The following PLA2G4A variants were observed in gnomAD, a reference collection of about 807,000 sequenced individuals.
PLA2G4A encodes the protein cytosolic phospholipase A2.
In PLA2G4A, 40 loss-of-function variants were observed where a neutral mutation model predicts 81.9. The ratio of observed to expected loss-of-function variants is 0.49; its 90% CI spans 0.38 to 0.64. The LOEUF is 0.64. Ranked by LOEUF, PLA2G4A falls within the 30% of genes least tolerant of loss-of-function variation. PLA2G4A has a pLI of 0.00. For synonymous variants in PLA2G4A, 302 were observed against 296.9 expected (o/e 1.02, Z -0.18); for missense variants, 715 against 905.1 (o/e 0.79, Z 2.69).
chr1:186,962,491 TTTATTTATTTATTTATTTA>T (rs1374616807), intron 14 of PLA2G4A, among the ~76,000 whole-genome samples: 8 of 63,442 alleles, frequency 1.3e-4, no homozygotes, highest in South Asian at 4.9e-4. Context: ...TTTTATTTTA[TTTATTTATTTATTTATTTA>T]TTTATTTATT....
chr1:186,846,140 C>A (rs1652165609), intron 1 of PLA2G4A, among the ~76,000 whole-genome samples: 2 of 152,176 alleles, frequency 1.3e-5, no homozygotes, highest in African/African-American at 2.4e-5. Context: ...AAAATTCCTA[C>A]TGTTTCATGT....
chr1:186,912,986 CATT>C (rs1393889409), intron 7 of PLA2G4A, among the ~76,000 whole-genome samples: 1 of 150,420 alleles, frequency 6.6e-6, no homozygotes, highest in African/African-American at 2.4e-5. Flanking sequence ...TGGAAATCAT[CATT>C]ATCGAACAAG....
intron 1 of PLA2G4A, among the ~76,000 whole-genome samples, chr1:186,831,707 A>G (rs1483347672): frequency 1.3e-5 from 2 of 152,162 alleles, no homozygotes; most frequent in African/African-American, 2.4e-5. Context: ...GAAAAAGAAA[A>G]TATTACCTAT....
chr1:186,919,348 G>A (rs190417437), intron 7 of PLA2G4A, among the ~76,000 whole-genome samples: 4 of 152,246 alleles, frequency 2.6e-5, no homozygotes, highest in East Asian at 3.9e-4. Context: ...CCCAGGCTGC[G>A]CTCCCCTTTC....
At chr1:186,880,283 G>T (rs1490933431) in intron 3 of PLA2G4A, among the ~76,000 whole-genome samples, 3 of 151,876 alleles carry the variant, frequency 2.0e-5, no homozygotes, top group African/African-American at 7.3e-5. Context: ...GAATGGGTAG[G>T]GGTTGCATTT....
Position 186,946,978 on chromosome 1 carries a change from C to A in PLA2G4A, c.1264+17C>A. 1.5e-6 allele frequency: 2 copies of A among 1,323,860 alleles called. No individual in the cohort carries two copies. Among genetic ancestry groups the A allele is most frequent in the Non-Finnish European group, 1.1e-6 (1 of 915,276 alleles). 82.0% of individuals were successfully genotyped at this position (1,323,860 alleles called of 1,614,324 possible). On this transcript the variant is annotated intron_variant, in intron 12 of 17. Transcript: ENST00000367466. ...AAGAATTAGGTATCCTAAAGATATG[C>A]TTACATTGATACAAATCTTGCTACA... is the stretch of plus-strand genomic sequence containing the variant.
Position 186,884,108 on chromosome 1 carries a change from G to A in PLA2G4A, c.116-8903G>A, listed in dbSNP as rs886293590. 4.0e-5 allele frequency among the ~76,000 whole-genome samples: 6 copies of A among 151,892 alleles called. No homozygotes were observed. The East Asian group carries it at 5.8e-4, about 15-fold the overall frequency. On this transcript the variant is annotated intron_variant, in intron 3 of 17. Coordinates refer to ENST00000367466, the MANE Select transcript of PLA2G4A (RefSeq NM_024420.3). ...AAAATAAGAAATATCCGAGAGAAGCGGTATTGAGAGAAGAGTGTAAGGATA... is the reference window on the plus strand; with the variant it reads ...AAAATAAGAAATATCCGAGAGAAGCAGTATTGAGAGAAGAGTGTAAGGATA...
chr1:186,857,179 T>TTATATATATATA (rs1288130997), intron 2 of PLA2G4A, among the ~76,000 whole-genome samples: 3 of 51,582 alleles, frequency 5.8e-5, no homozygotes, highest in East Asian at 9.4e-4. Flanking sequence ...TTATATAATA[T>TTATATATATATA]GTCTGCCATG....
intron 5 of PLA2G4A, among the ~76,000 whole-genome samples, chr1:186,897,924 G>A (rs889248854): frequency 6.6e-6 from 1 of 152,092 alleles, no homozygotes; most frequent in Admixed American, 6.5e-5. Flanking sequence ...TAGTGAACAT[G>A]GTATCCAATA....
At chr1:186,848,688 T>C (rs923843954) in intron 1 of PLA2G4A, among the ~76,000 whole-genome samples, 16 of 151,976 alleles carry the variant, frequency 1.1e-4, no homozygotes, top group Non-Finnish European at 2.1e-4. Context: ...TTGTTTACTC[T>C]CTAGTTATCT....
chr1:186,914,055 T>G (rs1655055478), intron 7 of PLA2G4A, among the ~76,000 whole-genome samples: 1 of 151,810 alleles, frequency 6.6e-6, no homozygotes, highest in Non-Finnish European at 1.5e-5. Flanking sequence ...AAGAGAGGCT[T>G]CTCTTCAATC....
intron 14 of PLA2G4A, among the ~76,000 whole-genome samples, chr1:186,962,124 T>TC (rs1656967092): frequency 6.6e-6 from 1 of 151,254 alleles, no homozygotes; most frequent in African/African-American, 2.4e-5. Context: ...TAACCTTTTT[T>TC]TTTCTACTTA....
intron 1 of PLA2G4A, among the ~76,000 whole-genome samples, chr1:186,842,129 G>T (rs568227677): frequency 1.4e-5 from 2 of 147,744 alleles, no homozygotes; most frequent in Non-Finnish European, 1.5e-5. Flanking sequence ...TGCAACCTCC[G>T]CCTCCCGGTT....
At chr1:186,909,681 A>G (rs1400790973) in intron 6 of PLA2G4A, among the ~76,000 whole-genome samples, 1 of 138,970 alleles carries the variant, frequency 7.2e-6, no homozygotes, top group Non-Finnish European at 1.5e-5. Flanking sequence ...AAAAAAAAAA[A>G]GTTAACTCAC....
chr1:186,979,943 CTTTTTTTTTT>C (rs34029312), intron 17 of PLA2G4A, among the ~76,000 whole-genome samples: 1 of 98,794 alleles, frequency 1.0e-5, no homozygotes, highest in Non-Finnish European at 2.0e-5. Context: ...ACAGCATTTC[CTTTTTTTTTT>C]TTTTTTTTTT....
intron 7 of PLA2G4A, among the ~76,000 whole-genome samples, chr1:186,926,661 C>G (rs1373932970): frequency 6.6e-6 from 1 of 152,196 alleles, no homozygotes; most frequent in East Asian, 1.9e-4. Context: ...TCAATACAGA[C>G]AGTATCCAGT....
At chr1:186,979,224 T>C in intron 16 of PLA2G4A, 91 bp from the exon 17 acceptor site, 1 of 937,528 alleles carries the variant, frequency 1.1e-6, no homozygotes, top group Non-Finnish European at 1.8e-6. Flanking sequence ...CTCCCACTGC[T>C]GTCTTTATGT....
intron 15 of PLA2G4A, among the ~76,000 whole-genome samples, chr1:186,972,111 G>T (rs1657376380): frequency 6.6e-6 from 1 of 152,090 alleles, no homozygotes; most frequent in South Asian, 2.1e-4. Flanking sequence ...TTATGTTGTT[G>T]TATCTGTGTT....
intron 10 of PLA2G4A, among the ~76,000 whole-genome samples, chr1:186,943,930 G>C (rs1391988987): frequency 1.3e-5 from 2 of 152,092 alleles, no homozygotes; most frequent in Non-Finnish European, 2.9e-5. Context: ...AAGTCACTTT[G>C]GTGACCAATA....
Sources: allele counts gnomAD v4.1 joint callset (sites outside exome capture counted in the v4.1 genomes callset), GRCh38; gene constraint gnomAD v4.1.1; transcripts MANE v1.5; gene names NCBI Gene and HGNC (gene_info 2026-07-23, HGNC 2026-07-21).